Variants in FBXO45 observed in about 807,000 individuals in gnomAD.
The protein encoded by FBXO45 is F-box/SPRY domain-containing protein 1.
In FBXO45, 3 loss-of-function variants were observed where a neutral mutation model predicts 25.5. That is an observed-to-expected ratio of 0.12 (90% CI 0.05 to 0.30). FBXO45 has a LOEUF of 0.30. FBXO45 is among the 10% of genes least tolerant of loss of function. FBXO45 has a pLI of 1.00. For synonymous variants in FBXO45, 155 were observed against 149.8 expected, an observed-to-expected ratio of 1.03 and a Z score of -0.25; for missense variants, 219 against 365.0, an observed-to-expected ratio of 0.60 and a Z score of 3.26.
intron 2 of FBXO45, among the ~76,000 whole-genome samples, chr3:196,580,281 C>T (rs1296705514): frequency 6.6e-6 from 1 of 151,424 alleles, no homozygotes; most frequent in African/African-American, 2.4e-5. Context: ...TCTCAGCTCA[C>T]CGCAACCTCT....
rs888738451 is a variant in FBXO45 at position 196,575,182 on chromosome 3, G to A, written c.319-2271G>A. Among the ~76,000 whole-genome samples the A allele has an allele frequency of 5.9e-5, 9 of 152,322 alleles. No homozygotes were observed. The East Asian group carries it at 9.6e-4, about 16-fold the overall frequency. ...AAGTTTGAGGAAGAGAGGGCCGGGC[G>A]TGGTGGCTCACGCCTGTAATCCCAG... On this transcript the variant is annotated intron_variant, in intron 1 of 2. Coordinates refer to ENST00000311630, the MANE Select transcript of FBXO45 (RefSeq NM_001105573.2).
rs1477413695 is a variant in FBXO45, at chr3:196,587,434, A to G, written c.*3116A>G. On this transcript the variant is annotated 3_prime_UTR_variant, in exon 3 of 3. Transcript: ENST00000311630. ...AAAGAAAGTAAGATTTACCCAGTTA[A>G]TATTTAAAATCATTGTTCAGTGATT... The G allele has an allele frequency of 6.6e-6, 1 of 152,266 alleles. No individual in the cohort carries two copies. The highest frequency in any genetic ancestry group is 2.4e-5 in the African/African-American group (1 of 41,470). The allele number at this position is 152,266 out of a possible 1,614,324, so 9.4% of individuals were successfully genotyped here. A position where few individuals can be genotyped will look rare whatever the true frequency, so the allele number is the denominator to read the frequency against.
rs1264809064 is a variant in FBXO45 at position 196,569,262 on chromosome 3, G to A, written c.278G>A (p.Arg93His). The change falls in exon 1 of 3, where the codon CGC becomes CAC. Residue 93 changes from arginine to histidine, a missense_variant. By Grantham distance (29) the Arg-to-His change is conservative. This residue lies in a region of FBXO45 where 138 missense variants were observed against 157.3 expected (regional missense o/e 0.88). Coordinates refer to ENST00000311630, the MANE Select transcript of FBXO45 (RefSeq NM_001105573.2). This position sits in a 1 kb window ranked among gnomAD's most constrained non-coding sequence, Gnocchi z 4.1. ...CGCAGCCTGGCAGAAGAGGCTCTGC[G>A]CACGGACATCCTGTGCAACCTGCCC... ...CARSLAEEAL[R>H]TDILCNLPSY... 1.3e-6 allele frequency: 2 copies of A among 1,584,548 alleles called. No individual in the cohort carries two copies. The highest frequency in any genetic ancestry group is 1.7e-6 in the Non-Finnish European group (2 of 1,165,882).
rs1428380407 is a variant in FBXO45, at chr3:196,584,391, T to G, written c.*73T>G. On this transcript the variant is annotated 3_prime_UTR_variant, in exon 3 of 3. Coordinates refer to ENST00000311630, the MANE Select transcript of FBXO45 (RefSeq NM_001105573.2). The surrounding 1 kb of genome is among the most constrained non-coding windows in gnomAD (Gnocchi z 4.3). ...ATGGGAAGTAGAACCATGAAGTGAC[T>G]GTCACACATGCATGTCCAAGAAACA... The G allele has an allele frequency of 7.6e-7, 1 of 1,310,868 alleles. No individual in the cohort carries two copies. 81.2% of individuals were successfully genotyped at this position (1,310,868 alleles called of 1,614,324 possible).
In FBXO45 at chr3:196,577,762, G is replaced by A. The variant is rs757061469; in HGVS notation, c.628G>A (p.Glu210Lys). 1 of 1,612,744 alleles carries A rather than the reference G, an allele frequency of 6.2e-7. No homozygotes were observed. The highest frequency in any genetic ancestry group is 2.2e-5 in the East Asian group (1 of 44,844). Residue 210 changes from glutamate to lysine, a missense_variant, in exon 2 of 3, where the codon GAA (glutamate) becomes AAA (lysine). This residue lies in a region of FBXO45 where 34 missense variants were observed against 48.2 expected (regional missense o/e 0.70). Coordinates refer to ENST00000311630, the MANE Select transcript of FBXO45 (RefSeq NM_001105573.2). Reference protein sequence around the residue: ...LVDNNLLHNGEVNGSFPQCNN... With the variant: ...LVDNNLLHNGKVNGSFPQCNN... ...GGACAATAATCTACTACATAATGGAGAAGTCAATGGCAGTTTTCCACAGTG... is the reference window on the plus strand; with the variant it reads ...GGACAATAATCTACTACATAATGGAAAAGTCAATGGCAGTTTTCCACAGTG...
At chr3:196,578,790 T>C (rs1735960905) in intron 2 of FBXO45, among the ~76,000 whole-genome samples, 1 of 152,142 alleles carries the variant, frequency 6.6e-6, no homozygotes, top group Non-Finnish European at 1.5e-5. Context: ...CATTATGAGA[T>C]TTTTTTGCAA....
intron 1 of FBXO45, among the ~76,000 whole-genome samples, chr3:196,571,827 A>G (rs1008863531): frequency 4.6e-5 from 7 of 152,220 alleles, no homozygotes; most frequent in Non-Finnish European, 8.8e-5. Context: ...ACTTGTACCA[A>G]TCACTGTTCA....
At chr3:196,577,841 C>A in intron 2 of FBXO45, 32 bp downstream of exon 2, 1 of 1,375,372 alleles carries the variant, frequency 7.3e-7, no homozygotes, top group Non-Finnish European at 9.7e-7. Flanking sequence ...CAAGTATGGG[C>A]CTTTGTCAAA....
chr3:196,586,371 C>T lies in FBXO45; in HGVS notation c.*2053C>T, dbSNP rs1369591832. On this transcript the variant is annotated 3_prime_UTR_variant, in exon 3 of 3. Coordinates refer to ENST00000311630, the MANE Select transcript of FBXO45 (RefSeq NM_001105573.2). Reference sequence around the variant, plus strand: ...AGGTGCTGAGTGGAAAACCGAAACACATGGTTATTGCGTATTGGACCTAGA... The same window carrying T: ...AGGTGCTGAGTGGAAAACCGAAACATATGGTTATTGCGTATTGGACCTAGA... 6.6e-6 allele frequency: 1 copy of T among 152,170 alleles called. No homozygotes were observed. The highest frequency in any genetic ancestry group is 1.5e-5 in the Non-Finnish European group (1 of 68,028). The allele number at this position is 152,170 out of a possible 1,614,324, so 9.4% of individuals were successfully genotyped here.
chr3:196,584,862 A>G lies in FBXO45; in HGVS notation c.*544A>G, dbSNP rs2108729948. On this transcript the variant is annotated 3_prime_UTR_variant, in exon 3 of 3. Coordinates refer to ENST00000311630, the MANE Select transcript of FBXO45 (RefSeq NM_001105573.2). The surrounding 1 kb of genome is among the most constrained non-coding windows in gnomAD (Gnocchi z 4.3). ...TGTGCAGCTATTTTAAAAGTTGTAT[A>G]TAATATGTGTGTAAAAAAAAAAAAC... The G allele has an allele frequency of 6.8e-6, 1 of 147,284 alleles. No individual in the cohort carries two copies. The highest frequency in any genetic ancestry group is 2.2e-4 in the South Asian group (1 of 4,630). The allele number at this position is 147,284 out of a possible 1,614,324, so 9.1% of individuals were successfully genotyped here.
In FBXO45 at chr3:196,577,474, T is replaced by C; in HGVS notation, c.340T>C (p.Phe114Leu). ...TTAGATACGTGCTTTTCAACATGCCTTCAGCACTAATGACTGCTCCAGGAA... is the reference window on the plus strand; with the variant it reads ...TTAGATACGTGCTTTTCAACATGCCCTCAGCACTAATGACTGCTCCAGGAA... ...KAKIRAFQHA[F>L]STNDCSRNVY... The change falls in exon 2 of 3, where the codon TTC (phenylalanine) becomes CTC (leucine). Residue 114 changes from phenylalanine to leucine, a missense_variant. Phe to Leu is a conservative substitution (Grantham distance 22). This residue lies in a region of FBXO45 where 138 missense variants were observed against 157.3 expected (regional missense o/e 0.88). Coordinates refer to ENST00000311630, the MANE Select transcript of FBXO45 (RefSeq NM_001105573.2). 6.2e-7 allele frequency: 1 copy of C among 1,601,640 alleles called. No individual in the cohort carries two copies. The highest frequency in any genetic ancestry group is 8.5e-7 in the Non-Finnish European group (1 of 1,169,688).
At position 196,588,844 on chromosome 3, in the gene FBXO45, C is replaced by A. The variant is rs1472280032; in HGVS notation, c.*4526C>A. On this transcript the variant is annotated 3_prime_UTR_variant, in exon 3 of 3. Transcript: ENST00000311630. The surrounding 1 kb of genome is among the most constrained non-coding windows in gnomAD (Gnocchi z 4.2). Reference sequence around the variant, plus strand: ...CAAAAGATGAATGAGAAATTCTGTTCTAGTCCCAGTGAAGCAGGAAGGAAA... The same window carrying A: ...CAAAAGATGAATGAGAAATTCTGTTATAGTCCCAGTGAAGCAGGAAGGAAA... 1 of 152,102 alleles carries A rather than the reference C, an allele frequency of 6.6e-6. No individual in the cohort carries two copies. The highest frequency in any genetic ancestry group is 1.5e-5 in the Non-Finnish European group (1 of 68,020). 9.4% of individuals were successfully genotyped at this position (152,102 alleles called of 1,614,324 possible). A position where few individuals can be genotyped will look rare whatever the true frequency, so the allele number is the denominator to read the frequency against.
chr3:196,578,245 C>T (rs1394791403), intron 2 of FBXO45, among the ~76,000 whole-genome samples: 1 of 151,976 alleles, frequency 6.6e-6, no homozygotes. Context: ...CCATCTTGGC[C>T]AGGCTGGTCT....
rs772639075 is a variant in FBXO45, at chr3:196,569,353, C to T, written c.318+51C>T. ...TGCCCCCAGTCCCGCTCCCCGGCGT[C>T]GTTCGCGGTGTTTCTCATCCGAGCT... On this transcript the variant is annotated intron_variant, in intron 1 of 2. Transcript: ENST00000311630. This position sits in a 1 kb window ranked among gnomAD's most constrained non-coding sequence, Gnocchi z 4.1. 3.5e-4 allele frequency: 506 copies of T among 1,435,698 alleles called. 2 individuals carry two copies. Among genetic ancestry groups the T allele is most frequent in the Non-Finnish European group, 4.4e-4 (475 of 1,075,370 alleles). 88.9% of individuals were successfully genotyped at this position (1,435,698 alleles called of 1,614,324 possible).
chr3:196,573,471 G>A (rs1735862111), intron 1 of FBXO45, among the ~76,000 whole-genome samples: 1 of 152,202 alleles, frequency 6.6e-6, no homozygotes, highest in South Asian at 2.1e-4. Flanking sequence ...CTAGGCCATA[G>A]ATGAGTTGGA....
intron 2 of FBXO45, among the ~76,000 whole-genome samples, chr3:196,580,515 G>T (rs1253754151): frequency 6.6e-6 from 1 of 152,058 alleles, no homozygotes; most frequent in East Asian, 1.9e-4. Context: ...TGGCGAGACG[G>T]GGTTTCTCCA....
intron 1 of FBXO45, among the ~76,000 whole-genome samples, chr3:196,575,874 C>T (rs1454357439): frequency 2.0e-5 from 3 of 152,018 alleles, no homozygotes; most frequent in South Asian, 2.1e-4. Flanking sequence ...GTTGGGGTTT[C>T]GCCATGTTGC....
At chr3:196,571,002 G>A (rs764213561) in intron 1 of FBXO45, among the ~76,000 whole-genome samples, 4 of 151,718 alleles carry the variant, frequency 2.6e-5, no homozygotes, top group Admixed American at 1.3e-4. Flanking sequence ...GAGCTCATGC[G>A]CCCGGCCTCA....
intron 1 of FBXO45, among the ~76,000 whole-genome samples, chr3:196,575,987 A>G (rs1022598785): frequency 6.6e-6 from 1 of 152,074 alleles, no homozygotes; most frequent in Non-Finnish European, 1.5e-5. Context: ...CCTTCATTGA[A>G]TCTTACGTTT....
Sources: allele counts gnomAD v4.1 joint callset (sites outside exome capture counted in the v4.1 genomes callset), GRCh38; gene constraint gnomAD v4.1.1; regional missense constraint gnomAD v4.1.1; non-coding constraint Gnocchi (gnomAD v3.1); transcripts MANE v1.5; gene names NCBI Gene and HGNC (gene_info 2026-07-23, HGNC 2026-07-21).